IFNLR1: variants seen among roughly 807,000 people sequenced by gnomAD.
The protein encoded by IFNLR1 is interferon lambda receptor 1, also known as CRF2-12.
A neutral mutation model predicts 52.5 loss-of-function variants in IFNLR1; 28 were observed. The ratio of observed to expected loss-of-function variants is 0.53; its 90% CI spans 0.40 to 0.73. IFNLR1 has a LOEUF of 0.73. Ranked by LOEUF, IFNLR1 falls within the 30% of genes least tolerant of loss-of-function variation. The pLI, the probability that IFNLR1 is intolerant of heterozygous loss-of-function variation, is 0.00. For synonymous variants in IFNLR1, 276 were observed against 274.9 expected, an observed-to-expected ratio of 1.00 and a Z score of -0.04; for missense variants, 623 against 659.1, an observed-to-expected ratio of 0.95 and a Z score of 0.60.
At chr1:24,158,128 G>T (rs1375571379) in intron 6 of IFNLR1, among the ~76,000 whole-genome samples, 1 of 152,226 alleles carries the variant, frequency 6.6e-6, no homozygotes, top group African/African-American at 2.4e-5. Context: ...AACTCAGGGA[G>T]CCACTGGGCA....
At chr1:24,164,472 G>A (rs1339960243) in intron 3 of IFNLR1, among the ~76,000 whole-genome samples, 1 of 152,150 alleles carries the variant, frequency 6.6e-6, no homozygotes. Flanking sequence ...GGTCTCCTAT[G>A]GATGTCATGG....
chr1:24,161,815 C>T, intron 3 of IFNLR1, 131 bp from the exon 4 acceptor site: 1 of 847,024 alleles, frequency 1.2e-6, no homozygotes. Context: ...GCACCTAGCA[C>T]CTTATAATCT....
Position 24,180,711 on chromosome 1 carries a change from G to T in IFNLR1, c.182+20C>A. On this transcript the variant is annotated intron_variant, in intron 2 of 6. Coordinates refer to ENST00000327535, the MANE Select transcript of IFNLR1 (RefSeq NM_170743.4). The stretch of plus-strand genomic sequence containing the variant: ...ACCCCCTCAGTCTTCCCATCCACCA[G>T]CCGAGAGAGTCCCCTCTACCTCTGA... 2 of 918,664 alleles carry T rather than the reference G, an allele frequency of 2.2e-6. No homozygotes were observed. Among genetic ancestry groups the T allele is most frequent in the Non-Finnish European group, 3.2e-6 (2 of 632,684 alleles). 56.9% of individuals were successfully genotyped at this position (918,664 alleles called of 1,614,324 possible).
intron 1 of IFNLR1, among the ~76,000 whole-genome samples, chr1:24,184,054 C>T (rs1390665559): frequency 6.6e-6 from 1 of 152,072 alleles, no homozygotes; most frequent in African/African-American, 2.4e-5. Context: ...TTTACAATCA[C>T]CACCAAGGCC....
At chr1:24,164,520 C>T (rs1020534189) in intron 3 of IFNLR1, among the ~76,000 whole-genome samples, 1 of 152,212 alleles carries the variant, frequency 6.6e-6, no homozygotes, top group African/African-American at 2.4e-5. Flanking sequence ...GCCAGGTCCA[C>T]AGATCCTTTT....
At chr1:24,162,695 A>T (rs1440343433) in intron 3 of IFNLR1, among the ~76,000 whole-genome samples, 2 of 103,132 alleles carry the variant, frequency 1.9e-5, no homozygotes, top group Non-Finnish European at 4.1e-5. Flanking sequence ...GGCAGAACTC[A>T]CTTTTCTTTT....
chr1:24,169,376 G>A (rs375171416), intron 3 of IFNLR1, 41 bp downstream of exon 3: 14 of 1,561,190 alleles, frequency 9.0e-6, no homozygotes, highest in Non-Finnish European at 1.2e-5. Flanking sequence ...TCCCCGATGG[G>A]ATGGACAGCC....
At chr1:24,165,629 C>G (rs551833708) in intron 3 of IFNLR1, among the ~76,000 whole-genome samples, 25 of 152,326 alleles carry the variant, frequency 1.6e-4, no homozygotes, top group African/African-American at 5.3e-4. Context: ...CAAGTTCTAA[C>G]TAAAATGCCA....
At chr1:24,162,776 CT>C (rs144212647) in intron 3 of IFNLR1, among the ~76,000 whole-genome samples, 9 of 42,656 alleles carry the variant, frequency 2.1e-4, no homozygotes, top group Non-Finnish European at 3.2e-4. Context: ...TTCTTTCTTT[CT>C]TTTTCTTTCT....
intron 1 of IFNLR1, 98 bp from the exon 2 acceptor site, chr1:24,180,952 T>C (rs547363828): frequency 1.1e-4 from 140 of 1,284,800 alleles, no homozygotes; most frequent in Admixed American, 2.1e-4. Flanking sequence ...AAGCAGGTGC[T>C]CACTGAGTTT....
intron 3 of IFNLR1, 68 bp from the exon 4 acceptor site, chr1:24,161,752 G>T: frequency 1.4e-6 from 2 of 1,411,820 alleles, no homozygotes; most frequent in Non-Finnish European, 1.9e-6. Context: ...CCCAAGACCA[G>T]AGAGCTCTCT....
At position 24,161,526 on chromosome 1, in the gene IFNLR1, G is replaced by A. The variant is rs1043046768; in HGVS notation, c.510+16C>T. ...AGGAGCGGGCCTAGCCTGGGGGCAG[G>A]AAAGGAGCTTCCCACCTTGTTTCCG... On this transcript the variant is annotated intron_variant, in intron 4 of 6. Coordinates refer to ENST00000327535, the MANE Select transcript of IFNLR1 (RefSeq NM_170743.4). 6.4e-7 allele frequency: 1 copy of A among 1,554,248 alleles called. No individual in the cohort carries two copies. Among genetic ancestry groups the A allele is most frequent in the Non-Finnish European group, 8.7e-7 (1 of 1,147,890 alleles).
intron 2 of IFNLR1, among the ~76,000 whole-genome samples, chr1:24,176,737 A>G (rs1011221723): frequency 2.0e-5 from 3 of 152,224 alleles, no homozygotes; most frequent in Non-Finnish European, 4.4e-5. Context: ...GTAGATAGAT[A>G]GACAGATAAA....
chr1:24,159,700 A>T, intron 4 of IFNLR1, 67 bp from the exon 5 acceptor site: 10 of 1,236,996 alleles, frequency 8.1e-6, no homozygotes, highest in Non-Finnish European at 1.1e-5. Context: ...GCCAGGACAG[A>T]GTGGGGTTGG....
intron 2 of IFNLR1, among the ~76,000 whole-genome samples, chr1:24,171,691 C>T (rs1162359909): frequency 2.0e-5 from 3 of 151,774 alleles, no homozygotes; most frequent in Non-Finnish European, 4.4e-5. Context: ...GAGTCTCGCT[C>T]TGTCATCCAG....
intron 2 of IFNLR1, among the ~76,000 whole-genome samples, chr1:24,171,663 C>CA (rs1644581135): frequency 6.9e-6 from 1 of 144,478 alleles, no homozygotes; most frequent in Non-Finnish European, 1.5e-5. Context: ...ATTTTCTTTT[C>CA]TTTTTTTTTT....
At chr1:24,178,901 T>G in intron 2 of IFNLR1, among the ~76,000 whole-genome samples, 1 of 152,236 alleles carries the variant, frequency 6.6e-6, no homozygotes, top group South Asian at 2.1e-4. Flanking sequence ...ATATCACCAT[T>G]CTAATGTATA....
At position 24,179,320 on chromosome 1, in the gene IFNLR1, T is replaced by C. The variant is rs549091917; in HGVS notation, c.182+1411A>G. 4.4e-4 allele frequency among the ~76,000 whole-genome samples: 67 copies of C among 152,340 alleles called. No homozygotes were observed. The South Asian group carries it at 0.011, about 24-fold the overall frequency. On this transcript the variant is annotated intron_variant, in intron 2 of 6. Coordinates refer to ENST00000327535, the MANE Select transcript of IFNLR1 (RefSeq NM_170743.4). ...CATACTACGCCCAGCTGTGTGACTT[T>C]GAGCAACATGCACCCTTGGTGCTTC...
intron 1 of IFNLR1, 54 bp downstream of exon 1, chr1:24,187,137 G>A: frequency 3.3e-6 from 4 of 1,210,258 alleles, no homozygotes; most frequent in East Asian, 6.3e-5. Context: ...GGGTAGGCGC[G>A]GCCCGGCCCG....
Sources: gnomAD v4.1 joint callset for allele counts (sites outside exome capture counted in the v4.1 genomes callset) on GRCh38, gnomAD v4.1.1 for gene constraint, MANE v1.5 for transcripts, NCBI Gene and HGNC (gene_info 2026-07-23, HGNC 2026-07-21) for gene names.